The following DNAH8 variants were observed in gnomAD, a reference collection of about 807,000 sequenced individuals.
DNAH8 encodes the protein dynein axonemal heavy chain 8, also known as axonemal beta dynein heavy chain 8.
Under a neutral mutation model 562.1 loss-of-function variants are expected in DNAH8, and 382 were observed. The observed-to-expected ratio is 0.68, with a 90% CI of 0.63 to 0.74. The LOEUF is 0.74. Among genes scored for constraint, DNAH8 ranks in the 30% least tolerant of loss-of-function variants. The probability of loss-of-function intolerance (pLI) is 0.00; values close to 1 mark genes in which losing one functional copy is unlikely to be tolerated. For missense variants in DNAH8, 5,203 were observed against 5,620.4 expected, an observed-to-expected ratio of 0.93 and a Z score of 2.37; for synonymous variants, 1,881 against 1,919.4, an observed-to-expected ratio of 0.98 and a Z score of 0.52.
At chr6:38,836,004 A>G (rs1166942835) in intron 32 of DNAH8, among the ~76,000 whole-genome samples, 7 of 152,202 alleles carry the variant, frequency 4.6e-5, no homozygotes, top group Admixed American at 3.3e-4. Flanking sequence ...TGACACCTGT[A>G]TAATGAAGAA....
rs1420087530 is a variant in DNAH8, at chr6:38,918,039, G to A, written c.10423G>A (p.Glu3475Lys). ...PYFNMDDYTF[E>K]SAKKVCGNVA... ...TTTTAATATGGATGATTATACTTTT[G>A]AAAGTGCCAAAAAAGTCTGTGGGAA... is the stretch of plus-strand genomic sequence containing the variant. Residue 3475 changes from glutamate (E) to lysine (K), a missense_variant, in exon 70 of 93, where the codon GAA becomes AAA. Around this residue, in one of 6 missense-constraint regions of DNAH8, gnomAD observed 1,399 missense variants for 1,518.4 expected, o/e 0.92. Transcript: ENST00000327475. 6.2e-7 allele frequency: 1 copy of A among 1,613,786 alleles called. No homozygotes were observed. Among genetic ancestry groups the A allele is most frequent in the East Asian group, 2.2e-5 (1 of 44,846 alleles).
In DNAH8 at chr6:38,787,571, T is replaced by C. The variant is rs181668312; in HGVS notation, c.2583+619T>C. ...CGAAACTGGGTGTGGTGGTGCACGC[T>C]TGTAATCCCAGCTACTTAGGAGGCT... On this transcript the variant is annotated intron_variant, in intron 18 of 92. Coordinates refer to ENST00000327475, the MANE Select transcript of DNAH8 (RefSeq NM_001206927.2). 7.2e-3 allele frequency among the ~76,000 whole-genome samples: 1,089 copies of C among 151,600 alleles called. 13 individuals carry two copies. The highest frequency in any genetic ancestry group is 0.024 in the African/African-American group (973 of 41,360).
chr6:38,726,866 T>G (rs889606724), intron 3 of DNAH8, among the ~76,000 whole-genome samples: 5 of 145,920 alleles, frequency 3.4e-5, no homozygotes, highest in Non-Finnish European at 6.0e-5. Context: ...TTTTTTTTTT[T>G]TTTTTTTTTG....
intron 41 of DNAH8, among the ~76,000 whole-genome samples, chr6:38,855,597 G>A (rs1194402313): frequency 6.6e-5 from 10 of 152,040 alleles, no homozygotes; most frequent in Admixed American, 6.6e-4. Context: ...TCAGATGAGA[G>A]TAATTAGCAT....
At chr6:38,906,124 G>A in intron 62 of DNAH8, 130 bp from the exon 63 acceptor site, 1 of 474,878 alleles carries the variant, frequency 2.1e-6, no homozygotes, top group East Asian at 3.3e-5. Flanking sequence ...GGTCAGGATG[G>A]TCTCGATCTC....
chr6:39,009,146 C>T (rs1414934317), intron 89 of DNAH8, among the ~76,000 whole-genome samples, 176 bp downstream of exon 89: 2 of 152,132 alleles, frequency 1.3e-5, no homozygotes, highest in Non-Finnish European at 2.9e-5. Context: ...ACATAGTTCT[C>T]TCTTCAAAAC....
intron 5 of DNAH8, 103 bp from the exon 6 acceptor site, chr6:38,736,964 T>C (rs1764144271): frequency 3.9e-6 from 3 of 766,576 alleles, no homozygotes. Flanking sequence ...GTTTATAAAA[T>C]GTATTAGTTG....
chr6:38,823,525 T>G (rs759859362), intron 27 of DNAH8, 37 bp from the exon 28 acceptor site: 64 of 1,513,262 alleles, frequency 4.2e-5, no homozygotes, highest in Non-Finnish European at 8.2e-6. Flanking sequence ...ATTTATACTG[T>G]TAAAAAATTA....
intron 87 of DNAH8, among the ~76,000 whole-genome samples, chr6:38,986,614 A>C (rs1764416801): frequency 6.6e-6 from 1 of 152,270 alleles, no homozygotes; most frequent in African/African-American, 2.4e-5. Flanking sequence ...TTGTTAGAAT[A>C]ATTGTAAAAG....
intron 89 of DNAH8, among the ~76,000 whole-genome samples, chr6:39,009,826 G>A (rs1766067982): frequency 6.6e-6 from 1 of 151,566 alleles, no homozygotes; most frequent in African/African-American, 2.4e-5. Context: ...CAAGACCTTT[G>A]GTTAAGATAT....
Position 38,935,625 on chromosome 6 carries a change from G to A in DNAH8, c.11491G>A (p.Asp3831Asn). 2 of 1,613,116 alleles carry A rather than the reference G, an allele frequency of 1.2e-6. No individual in the cohort carries two copies. Among genetic ancestry groups the A allele is most frequent in the Non-Finnish European group, 1.7e-6 (2 of 1,179,666 alleles). Residue 3831 changes from aspartate to asparagine, a missense_variant, in exon 77 of 93, where the codon GAT becomes AAT. By Grantham distance (23) the Asp-to-Asn change is conservative. This residue lies in a region of DNAH8 where 1,399 missense variants were observed against 1,518.4 expected (regional missense o/e 0.92). Coordinates refer to ENST00000327475, the MANE Select transcript of DNAH8 (RefSeq NM_001206927.2). ...LEAERVKLLEDVTFNKRKMKE... is the reference protein window; with the variant it reads ...LEAERVKLLENVTFNKRKMKE... Reference sequence around the variant, plus strand: ...GGCTGAGAGGGTTAAACTTTTGGAGGATGTTACTTTTAATAAGCGGAAGAT... The same window carrying A: ...GGCTGAGAGGGTTAAACTTTTGGAGAATGTTACTTTTAATAAGCGGAAGAT...
intron 88 of DNAH8, among the ~76,000 whole-genome samples, chr6:39,006,292 G>A (rs1765795758): frequency 1.3e-5 from 2 of 152,178 alleles, no homozygotes; most frequent in Admixed American, 6.6e-5. Context: ...TAGGTTTTAA[G>A]TTTTAGTTAT....
chr6:38,922,008 G>A (rs891188532), intron 71 of DNAH8, among the ~76,000 whole-genome samples: 4 of 151,238 alleles, frequency 2.6e-5, no homozygotes, highest in East Asian at 3.9e-4. Flanking sequence ...GCCAGGAAAA[G>A]GAATTTCACA....
At chr6:38,904,290 T>C (rs1780279629) in intron 62 of DNAH8, among the ~76,000 whole-genome samples, 2 of 152,118 alleles carry the variant, frequency 1.3e-5, no homozygotes, top group Admixed American at 1.3e-4. Context: ...GAGATAGCAA[T>C]ATAGAAGTCT....
chr6:38,798,550 C>A (rs533485824), intron 21 of DNAH8, among the ~76,000 whole-genome samples: 1 of 152,276 alleles, frequency 6.6e-6, no homozygotes, highest in Non-Finnish European at 1.5e-5. Context: ...ATTATTTTGC[C>A]ACTTGTTGAA....
intron 35 of DNAH8, among the ~76,000 whole-genome samples, chr6:38,844,413 T>C (rs888579001): frequency 2.6e-5 from 4 of 152,224 alleles, no homozygotes; most frequent in South Asian, 2.1e-4. Flanking sequence ...CTCCCAAATA[T>C]ATGGTTTGGG....
At chr6:38,961,254 T>C (rs183191289) in intron 82 of DNAH8, among the ~76,000 whole-genome samples, 6 of 152,058 alleles carry the variant, frequency 3.9e-5, no homozygotes, top group Non-Finnish European at 4.4e-5. Flanking sequence ...AATTTATTTT[T>C]TAAAAAAATA....
intron 11 of DNAH8, among the ~76,000 whole-genome samples, chr6:38,762,060 T>A (rs558384322): frequency 1.1e-4 from 17 of 152,278 alleles, no homozygotes; most frequent in African/African-American, 4.1e-4. Context: ...GGCCCCTACA[T>A]CTCATTCCAG....
chr6:38,897,371 AATAT>A (rs752135305), intron 60 of DNAH8, among the ~76,000 whole-genome samples: 10 of 152,206 alleles, frequency 6.6e-5, no homozygotes, highest in Non-Finnish European at 1.3e-4. Flanking sequence ...TAAAGCCTGA[AATAT>A]TTACTATCTT....
Sources: gnomAD v4.1 joint callset for allele counts (sites outside exome capture counted in the v4.1 genomes callset) on GRCh38, gnomAD v4.1.1 for gene constraint, gnomAD v4.1.1 regional missense constraint, MANE v1.5 for transcripts, NCBI Gene and HGNC (gene_info 2026-07-23, HGNC 2026-07-21) for gene names.